ZNF407: variants seen among roughly 807,000 people sequenced by gnomAD.
ZNF407 encodes the protein zinc finger protein 407.
A neutral mutation model predicts 131.2 loss-of-function variants in ZNF407; 17 were observed. The ratio of observed to expected loss-of-function variants is 0.13; its 90% CI spans 0.09 to 0.19. The LOEUF (loss-of-function observed/expected upper bound fraction) is 0.19. Among genes scored for constraint, ZNF407 ranks in the 10% least tolerant of loss-of-function variants. The probability of loss-of-function intolerance (pLI) is 1.00; values close to 1 mark genes in which losing one functional copy is unlikely to be tolerated. For missense variants in ZNF407, 2,681 were observed against 2,830.6 expected, an observed-to-expected ratio of 0.95 and a Z score of 1.20; for synonymous variants, 1,156 against 1,062.0, an observed-to-expected ratio of 1.09 and a Z score of -1.72.
At chr18:74,869,595 A>G (rs1363400280) in intron 4 of ZNF407, among the ~76,000 whole-genome samples, 1 of 152,208 alleles carries the variant, frequency 6.6e-6, no homozygotes. Flanking sequence ...GTGTGCCTAC[A>G]ACATTCAGTG....
chr18:74,747,334 C>T (rs1307418985), intron 3 of ZNF407, among the ~76,000 whole-genome samples: 2 of 151,986 alleles, frequency 1.3e-5, no homozygotes, highest in East Asian at 1.9e-4. Context: ...ATTCATAATG[C>T]GTAATACATT....
chr18:74,877,837 C>A (rs1290878945), intron 5 of ZNF407, among the ~76,000 whole-genome samples: 1 of 152,100 alleles, frequency 6.6e-6, no homozygotes, highest in African/African-American at 2.4e-5. Flanking sequence ...TATTTTTCTT[C>A]TGAGGAGGAT....
chr18:74,929,986 C>T (rs924119270), intron 8 of ZNF407, among the ~76,000 whole-genome samples: 5 of 152,192 alleles, frequency 3.3e-5, no homozygotes, highest in African/African-American at 9.7e-5. Context: ...TCAAACATAA[C>T]CATACTACTT....
chr18:74,836,836 G>A (rs1392575010), intron 4 of ZNF407, among the ~76,000 whole-genome samples: 2 of 152,178 alleles, frequency 1.3e-5, no homozygotes, highest in Admixed American at 6.5e-5. Context: ...GCTTGACCAG[G>A]CTGAGTAACT....
intron 3 of ZNF407, among the ~76,000 whole-genome samples, chr18:74,724,597 AAT>A (rs571795366): frequency 1.3e-4 from 20 of 152,042 alleles, no homozygotes; most frequent in Non-Finnish European, 2.5e-4. Flanking sequence ...ATATGTGAAA[AAT>A]ATATATAGAT....
At chr18:74,948,372 C>T (rs764564553) in intron 8 of ZNF407, among the ~76,000 whole-genome samples, 2 of 152,126 alleles carry the variant, frequency 1.3e-5, no homozygotes, top group South Asian at 2.1e-4. Flanking sequence ...GAGACTGCTC[C>T]GTCTATTTGT....
chr18:74,647,781 G>C (rs1388970565), intron 3 of ZNF407, among the ~76,000 whole-genome samples: 2 of 152,146 alleles, frequency 1.3e-5, no homozygotes, highest in African/African-American at 4.8e-5. Flanking sequence ...TGGTGCCCGG[G>C]CTGTCTGTGT....
At chr18:74,659,727 T>G (rs1985631501) in intron 3 of ZNF407, among the ~76,000 whole-genome samples, 1 of 152,144 alleles carries the variant, frequency 6.6e-6, no homozygotes, top group South Asian at 2.1e-4. Flanking sequence ...GTTTTGCATT[T>G]TGAACAGAAA....
At chr18:74,839,849 T>C (rs1346735424) in intron 4 of ZNF407, among the ~76,000 whole-genome samples, 1 of 152,164 alleles carries the variant, frequency 6.6e-6, no homozygotes, top group Non-Finnish European at 1.5e-5. Flanking sequence ...ATGACATCAG[T>C]CATAGTGATA....
chr18:75,054,803 G>A (rs944850984), intron 8 of ZNF407, among the ~76,000 whole-genome samples: 2 of 152,218 alleles, frequency 1.3e-5, no homozygotes, highest in Admixed American at 6.5e-5. Context: ...GCAGGGGGGC[G>A]CTATTTGTCT....
At chr18:74,691,248 C>T (rs561761314) in intron 3 of ZNF407, among the ~76,000 whole-genome samples, 12 of 151,694 alleles carry the variant, frequency 7.9e-5, no homozygotes, top group African/African-American at 2.9e-4. Context: ...CATTGCACTC[C>T]AGCCTGGGCG....
chr18:74,652,693 C>T (rs1006233792), intron 3 of ZNF407, among the ~76,000 whole-genome samples: 45 of 151,936 alleles, frequency 3.0e-4, no homozygotes, highest in Non-Finnish European at 2.4e-4. Context: ...ATTACAACTT[C>T]CCGAGGTGCT....
intron 4 of ZNF407, among the ~76,000 whole-genome samples, chr18:74,815,885 T>G (rs1475890915): frequency 6.6e-6 from 1 of 152,198 alleles, no homozygotes; most frequent in Non-Finnish European, 1.5e-5. Flanking sequence ...ATTATGTTGC[T>G]TTCTTGCTCC....
At chr18:74,686,221 A>G (rs1967093814) in intron 3 of ZNF407, among the ~76,000 whole-genome samples, 1 of 152,104 alleles carries the variant, frequency 6.6e-6, no homozygotes, top group Non-Finnish European at 1.5e-5. Flanking sequence ...TTTCTGGGCA[A>G]TATAGGTTTA....
chr18:75,015,853 ACTT>A (rs1324142427), intron 8 of ZNF407, among the ~76,000 whole-genome samples: 1 of 152,016 alleles, frequency 6.6e-6, no homozygotes, highest in African/African-American at 2.4e-5. Context: ...CAGATTCTGG[ACTT>A]CTTCTGACAT....
chr18:74,785,851 G>C (rs1030512154), intron 4 of ZNF407, among the ~76,000 whole-genome samples: 3 of 151,592 alleles, frequency 2.0e-5, no homozygotes, highest in African/African-American at 7.3e-5. Context: ...CATGCACATG[G>C]CCCACATGGC....
At chr18:74,673,273 C>T (rs1986223265) in intron 3 of ZNF407, among the ~76,000 whole-genome samples, 1 of 152,138 alleles carries the variant, frequency 6.6e-6, no homozygotes, top group South Asian at 2.1e-4. Flanking sequence ...ATTCTGAAGT[C>T]AGTTTCACGA....
intron 8 of ZNF407, among the ~76,000 whole-genome samples, chr18:74,976,756 G>A (rs778275449): frequency 2.6e-5 from 4 of 152,222 alleles, no homozygotes; most frequent in East Asian, 3.8e-4. Context: ...GTGCTTTCAC[G>A]TGGAGCCTAA....
chr18:75,059,396 A>C (rs1973598472), intron 8 of ZNF407, among the ~76,000 whole-genome samples: 1 of 152,196 alleles, frequency 6.6e-6, no homozygotes, highest in Non-Finnish European at 1.5e-5. Context: ...ATGTACTGGC[A>C]GTATGTCCTT....
Sources: gnomAD v4.1 joint callset for allele counts (sites outside exome capture counted in the v4.1 genomes callset) on GRCh38, gnomAD v4.1.1 for gene constraint, MANE v1.5 for transcripts, NCBI Gene and HGNC (gene_info 2026-07-23, HGNC 2026-07-21) for gene names.